The following RASAL2 variants were observed in gnomAD, a reference collection of about 807,000 sequenced individuals.
The protein encoded by RASAL2 is RAS protein activator like 2, also known as ras GTPase-activating protein nGAP.
In RASAL2, 58 loss-of-function variants were observed where a neutral mutation model predicts 128.9. The observed-to-expected ratio is 0.45, with a 90% CI of 0.36 to 0.56. The LOEUF (loss-of-function observed/expected upper bound fraction) is 0.56, where lower values mean the gene tolerates loss of function less well. Ranked by LOEUF, RASAL2 falls within the 20% of genes least tolerant of loss-of-function variation. The pLI, the probability that RASAL2 is intolerant of heterozygous loss-of-function variation, is 0.00. For synonymous variants in RASAL2, 561 were observed against 580.8 expected (o/e 0.97, Z 0.49); for missense variants, 1,360 against 1,601.6 (o/e 0.85, Z 2.57).
At chr1:178,270,035 G>A (rs1161256542) in intron 1 of RASAL2, among the ~76,000 whole-genome samples, 2 of 152,108 alleles carry the variant, frequency 1.3e-5, no homozygotes, top group Admixed American at 1.3e-4. Context: ...TGTTAGTTTG[G>A]CTAAGTGAAT....
intron 1 of RASAL2, among the ~76,000 whole-genome samples, chr1:178,151,447 C>T (rs1022135891): frequency 1.3e-5 from 2 of 152,076 alleles, no homozygotes; most frequent in Admixed American, 6.6e-5. Flanking sequence ...AACAGAAACA[C>T]ACATTAAACA....
chr1:178,117,905 C>T (rs1432469501), intron 1 of RASAL2, among the ~76,000 whole-genome samples: 1 of 152,128 alleles, frequency 6.6e-6, no homozygotes, highest in Non-Finnish European at 1.5e-5. Flanking sequence ...TGACTCATAC[C>T]TGTAATCCCA....
chr1:178,454,151 T>G (rs1439219109), intron 11 of RASAL2, among the ~76,000 whole-genome samples: 1 of 144,520 alleles, frequency 6.9e-6, no homozygotes, highest in Non-Finnish European at 1.5e-5. Flanking sequence ...GAGCTTTTGG[T>G]AGGTAAGTGA....
rs528557233 is a variant in RASAL2, at chr1:178,292,821, T to C, written c.331-7171T>C. Among the ~76,000 whole-genome samples the C allele has an allele frequency of 2.0e-5, 3 of 152,322 alleles. No individual in the cohort carries two copies. The South Asian group carries it at 6.2e-4, about 32-fold the overall frequency. ...TTTATTTCTTTTGGCAATAACAGTC[T>C]ATTAGGCAGGGTCCATTTGACTCCA... On this transcript the variant is annotated intron_variant, in intron 2 of 17. Transcript: ENST00000367649.
intron 1 of RASAL2, among the ~76,000 whole-genome samples, chr1:178,190,736 TAA>T (rs34917770): frequency 0.028 from 4,131 of 148,520 alleles, 113 homozygotes; most frequent in African/African-American, 0.075. Context: ...ATTTCATAGT[TAA>T]AAAAAAAAAA....
chr1:178,178,324 C>G (rs2101923674), intron 1 of RASAL2, among the ~76,000 whole-genome samples: 1 of 152,016 alleles, frequency 6.6e-6, no homozygotes, highest in African/African-American at 2.4e-5. Flanking sequence ...GAAATGAAGA[C>G]CTCACATTCA....
intron 3 of RASAL2, among the ~76,000 whole-genome samples, chr1:178,386,014 G>A (rs1557947382): frequency 6.9e-6 from 1 of 144,828 alleles, no homozygotes; most frequent in Non-Finnish European, 1.5e-5. Context: ...TTACTCCTTA[G>A]GGTCCTCTCA....
intron 3 of RASAL2, among the ~76,000 whole-genome samples, chr1:178,383,242 T>G (rs923279877): frequency 1.3e-5 from 2 of 152,124 alleles, no homozygotes; most frequent in Non-Finnish European, 2.9e-5. Context: ...AAGGACTACT[T>G]GTTTGAGTGA....
At chr1:178,253,669 G>C (rs60668979) in intron 1 of RASAL2, among the ~76,000 whole-genome samples, 5,335 of 152,216 alleles carry the variant, frequency 0.035, 278 homozygotes, top group African/African-American at 0.12. Context: ...TTGTTCTCTG[G>C]CGGGCATGGG....
intron 3 of RASAL2, among the ~76,000 whole-genome samples, chr1:178,327,701 T>TACC (rs372884593): frequency 6.6e-6 from 1 of 152,180 alleles, no homozygotes; most frequent in African/African-American, 2.4e-5. Flanking sequence ...GACAACCTTG[T>TACC]TAGTTCTTGT....
chr1:178,104,671 A>G (rs1031829645), intron 1 of RASAL2, among the ~76,000 whole-genome samples: 3 of 152,206 alleles, frequency 2.0e-5, no homozygotes, highest in Non-Finnish European at 2.9e-5. Flanking sequence ...GCTACTTTCA[A>G]TGTATTAAAA....
At chr1:178,098,021 T>C (rs1205974210) in intron 1 of RASAL2, among the ~76,000 whole-genome samples, 1 of 152,224 alleles carries the variant, frequency 6.6e-6, no homozygotes, top group East Asian at 1.9e-4. Context: ...GAGAAAAATA[T>C]TTGTGCTGTC....
At chr1:178,375,602 T>G (rs1225406140) in intron 3 of RASAL2, among the ~76,000 whole-genome samples, 1 of 152,176 alleles carries the variant, frequency 6.6e-6, no homozygotes, top group East Asian at 1.9e-4. Flanking sequence ...ATCCTCTGTC[T>G]TTTCAGCACG....
rs186640386 is a variant in RASAL2 at position 178,181,470 on chromosome 1, G to A, written c.202+86776G>A. Among the ~76,000 whole-genome samples the A allele has an allele frequency of 2.0e-3, 310 of 151,908 alleles. 1 individual carries two copies. Among genetic ancestry groups the A allele is most frequent in the Admixed American group, 4.1e-3 (62 of 15,242 alleles). On this transcript the variant is annotated intron_variant, in intron 1 of 17. Transcript: ENST00000367649. ...CCTCCCAGCTTCACGCCATTCTCCT[G>A]CCTCAGCCTGCCGAGTAGCTGGGAC...
intron 1 of RASAL2, among the ~76,000 whole-genome samples, chr1:178,225,757 G>GTACA (rs1366886656): frequency 1.3e-5 from 2 of 149,848 alleles, no homozygotes; most frequent in Non-Finnish European, 2.9e-5. Context: ...CTTTCATACT[G>GTACA]TACATACATA....
At chr1:178,258,068 G>A (rs1665466716) in intron 1 of RASAL2, among the ~76,000 whole-genome samples, 1 of 151,986 alleles carries the variant, frequency 6.6e-6, no homozygotes, top group Non-Finnish European at 1.5e-5. Context: ...GTCAAGGCGG[G>A]CGGATCATGA....
At chr1:178,409,727 A>G (rs1245752629) in intron 4 of RASAL2, among the ~76,000 whole-genome samples, 1 of 152,226 alleles carries the variant, frequency 6.6e-6, no homozygotes, top group Non-Finnish European at 1.5e-5. Flanking sequence ...CCAGGGCAGA[A>G]AGATTGCATG....
In RASAL2 at chr1:178,094,230, A is replaced by C; in HGVS notation, c.-263A>C. The stretch of plus-strand genomic sequence containing the variant: ...CCCGGGAGGGACCCACACACACCTG[A>C]GCCCGGACCCACCCTTGGTCGGGGC... On this transcript the variant is annotated 5_prime_UTR_variant, in exon 1 of 18. Transcript: ENST00000367649. The C allele has an allele frequency of 2.0e-6, 1 of 506,340 alleles. No individual in the cohort carries two copies. The highest frequency in any genetic ancestry group is 2.7e-5 in the South Asian group (1 of 36,706). 31.4% of individuals were successfully genotyped at this position (506,340 alleles called of 1,614,324 possible). A position where few individuals can be genotyped will look rare whatever the true frequency, so the allele number is the denominator to read the frequency against.
At chr1:178,403,057 A>G (rs781198855) in intron 4 of RASAL2, among the ~76,000 whole-genome samples, 74 of 152,312 alleles carry the variant, frequency 4.9e-4, no homozygotes, top group Non-Finnish European at 8.1e-4. Flanking sequence ...GAATGAGATT[A>G]GCACAGTCTC....
Sources: allele counts gnomAD v4.1 joint callset (sites outside exome capture counted in the v4.1 genomes callset), GRCh38; gene constraint gnomAD v4.1.1; transcripts MANE v1.5; gene names NCBI Gene and HGNC (gene_info 2026-07-23, HGNC 2026-07-21).